Variants in TAB1 observed in about 807,000 individuals in gnomAD.
TAB1 encodes the protein TGF-beta activated kinase 1 (MAP3K7) binding protein 1, also known as TGF-beta-activated kinase 1 and MAP3K7-binding protein 1.
TAB1 carries 30 observed loss-of-function variants against 54.5 expected under a neutral mutation model. The observed-to-expected ratio is 0.55, with a 90% confidence interval of 0.41 to 0.75. TAB1 has a LOEUF of 0.75. Ranked by LOEUF, TAB1 falls within the 30% of genes least tolerant of loss-of-function variation. The pLI, the probability that TAB1 is intolerant of heterozygous loss-of-function variation, is 0.00. For missense variants in TAB1, 609 were observed against 683.2 expected (o/e 0.89, Z 1.21); for synonymous variants, 289 against 286.9 (o/e 1.01, Z -0.07).
chr22:39,437,119 CTCTT>C (rs1350143022), downstream of TAB1: 1 of 152,218 alleles, frequency 6.6e-6, no homozygotes, highest in Non-Finnish European at 1.5e-5. Flanking sequence ...ATTAAAATTT[CTCTT>C]TGAGTAAAAG....
In TAB1 at chr22:39,422,504, G is replaced by A. The variant is rs910806770; in HGVS notation, c.921+533G>A. Among the ~76,000 whole-genome samples, 4 of 148,708 alleles carry A rather than the reference G, an allele frequency of 2.7e-5. No homozygotes were observed. The Admixed American group carries it at 2.7e-4, about 10-fold the overall frequency. On this transcript the variant is annotated intron_variant, in intron 8 of 10. Transcript: ENST00000216160. ...GCTCACTGCAATCTCCGCCTCCCGG[G>A]TTCAAGCAGTTCTCTGCCTCAGCCT...
intron 8 of TAB1, among the ~76,000 whole-genome samples, chr22:39,425,102 G>C (rs1046464852): frequency 6.6e-6 from 1 of 152,108 alleles, no homozygotes; most frequent in Non-Finnish European, 1.5e-5. Context: ...GCTGGGCGTG[G>C]TGGCTCACGC....
chr22:39,417,697 G>A lies in TAB1; in HGVS notation c.412-14G>A, dbSNP rs1454440169. 6.3e-7 allele frequency: 1 copy of A among 1,599,164 alleles called. No homozygotes were observed. The highest frequency in any genetic ancestry group is 1.3e-5 in the African/African-American group (1 of 74,394). On this transcript the variant is annotated splice_polypyrimidine_tract_variant and intron_variant, in intron 4 of 10. Coordinates refer to ENST00000216160, the MANE Select transcript of TAB1 (RefSeq NM_006116.3). Reference sequence around the variant, plus strand: ...GAGTTCTGTCCTGCCCTGACCCTCTGTTGATGGTTGTAGGGAGTCCCTCAG... The same window carrying A: ...GAGTTCTGTCCTGCCCTGACCCTCTATTGATGGTTGTAGGGAGTCCCTCAG...
intron 10 of TAB1, among the ~76,000 whole-genome samples, chr22:39,428,414 C>A (rs1005226798): frequency 1.3e-5 from 2 of 152,222 alleles, no homozygotes; most frequent in Non-Finnish European, 2.9e-5. Flanking sequence ...TCTTGTGGGC[C>A]CATCTGCTGG....
intron 9 of TAB1, among the ~76,000 whole-genome samples, chr22:39,427,505 TC>T (rs1255196174): frequency 6.6e-6 from 1 of 152,138 alleles, no homozygotes; most frequent in African/African-American, 2.4e-5. Flanking sequence ...TTTCCCGTGC[TC>T]CCCCCAGTGC....
intron 5 of TAB1, 41 bp downstream of exon 5, chr22:39,417,890 AGGTCAGCCACAGGGGTC>A (rs1380789015): frequency 6.4e-7 from 1 of 1,565,398 alleles, no homozygotes; most frequent in Admixed American, 1.9e-5. Flanking sequence ...GACTGGGGAG[AGGTCAGCCACAGGGGTC>A]GGTGCATTAT....
chr22:39,419,065 AACCT>A (rs1926958719), intron 6 of TAB1, among the ~76,000 whole-genome samples: 1 of 152,322 alleles, frequency 6.6e-6, no homozygotes, highest in East Asian at 1.9e-4. Context: ...GGATAATAGT[AACCT>A]ACCTCGGGAT....
downstream of TAB1, among the ~76,000 whole-genome samples, chr22:39,435,689 A>T (rs1286664207): frequency 6.6e-6 from 1 of 152,158 alleles, no homozygotes; most frequent in African/African-American, 2.4e-5. Flanking sequence ...CTGACATCAC[A>T]GGTGTGAGCA....
At chr22:39,401,103 C>A (rs912905936) in intron 1 of TAB1, among the ~76,000 whole-genome samples, 2 of 151,736 alleles carry the variant, frequency 1.3e-5, no homozygotes, top group Non-Finnish European at 2.9e-5. Flanking sequence ...TCTTGTTTAC[C>A]GCTGTGTCTC....
intron 1 of TAB1, among the ~76,000 whole-genome samples, chr22:39,409,678 C>G (rs1926524711): frequency 6.6e-6 from 1 of 152,212 alleles, no homozygotes; most frequent in Non-Finnish European, 1.5e-5. Context: ...AGGTCTGGCT[C>G]AGACGTCACC....
At chr22:39,405,925 C>A (rs1320287896) in intron 1 of TAB1, among the ~76,000 whole-genome samples, 4 of 152,080 alleles carry the variant, frequency 2.6e-5, no homozygotes, top group Non-Finnish European at 5.9e-5. Context: ...TGGCGAGCGC[C>A]CGAATTACGT....
chr22:39,434,661 C>T (rs1238394458), downstream of TAB1, among the ~76,000 whole-genome samples: 1 of 152,190 alleles, frequency 6.6e-6, no homozygotes, highest in Non-Finnish European at 1.5e-5. Flanking sequence ...TTGAGAAATA[C>T]TGACACCAGT....
Position 39,423,865 on chromosome 22 carries a change from A to G in TAB1, c.921+1894A>G, listed in dbSNP as rs570856816. On this transcript the variant is annotated intron_variant, in intron 8 of 10. Transcript: ENST00000216160. ...TAATGTATAGTGTTTTATAGTGTAC[A>G]TTGTAACTAATGTATAGTGTTTTAT... 4.9e-4 allele frequency among the ~76,000 whole-genome samples: 73 copies of G among 149,428 alleles called. 3 individuals carry two copies. In the East Asian group the frequency reaches 0.012, roughly 25 times the overall value.
intron 7 of TAB1, among the ~76,000 whole-genome samples, chr22:39,420,383 C>T (rs767049878): frequency 6.6e-6 from 1 of 152,182 alleles, no homozygotes; most frequent in Non-Finnish European, 1.5e-5. Flanking sequence ...CGTCAGGTAA[C>T]CTGTATGTGA....
intron 5 of TAB1, 135 bp downstream of exon 5, chr22:39,417,984 G>A (rs1926913637): frequency 3.4e-6 from 4 of 1,163,538 alleles, no homozygotes; most frequent in Non-Finnish European, 4.7e-6. Context: ...CGTTGGGTAT[G>A]TCCCTCTCCA....
intron 1 of TAB1, among the ~76,000 whole-genome samples, chr22:39,403,214 C>T (rs1427333769): frequency 6.6e-6 from 1 of 152,226 alleles, no homozygotes; most frequent in Non-Finnish European, 1.5e-5. Context: ...ACAGTGAGCA[C>T]CGAACAGATA....
At position 39,430,145 on chromosome 22, in the gene TAB1, C is replaced by T. The variant is rs373986431; in HGVS notation, c.1438C>T (p.Pro480Ser). 9.9e-6 allele frequency: 16 copies of T among 1,613,908 alleles called. No homozygotes were observed. The highest frequency in any genetic ancestry group is 1.4e-5 in the Non-Finnish European group (16 of 1,180,056). ...LPPGEDGRVE[P>S]YVDFAEFYRL... ...GCCTGGCGAGGACGGTCGTGTTGAG[C>T]CCTATGTGGACTTTGCTGAGTTTTA... The change falls in exon 11 of 11, where the codon CCC becomes TCC. Residue 480 changes from proline (P) to serine (S), a missense_variant. Pro to Ser is a moderately conservative substitution (Grantham distance 74). Transcript: ENST00000216160.
downstream of TAB1, among the ~76,000 whole-genome samples, chr22:39,432,183 G>C (rs545078964): frequency 2.0e-5 from 3 of 152,356 alleles, no homozygotes; most frequent in East Asian, 5.8e-4. Flanking sequence ...CCAGTGGCAG[G>C]GTTGTGGTGC....
intron 1 of TAB1, among the ~76,000 whole-genome samples, chr22:39,405,702 A>G (rs1214371261): frequency 6.6e-6 from 1 of 152,202 alleles, no homozygotes; most frequent in Non-Finnish European, 1.5e-5. Flanking sequence ...GAAGCGAGAG[A>G]CTTGGCAGTC....
Sources: gnomAD v4.1 joint callset for allele counts (sites outside exome capture counted in the v4.1 genomes callset) on GRCh38, gnomAD v4.1.1 for gene constraint, MANE v1.5 for transcripts, NCBI Gene and HGNC (gene_info 2026-07-23, HGNC 2026-07-21) for gene names.